The following CCDC171 variants were observed in gnomAD, a reference collection of about 807,000 sequenced individuals.
The protein encoded by CCDC171 is coiled-coil domain containing 171.
A neutral mutation model predicts 168.2 loss-of-function variants in CCDC171; 177 were observed. The ratio of observed to expected loss-of-function variants is 1.05; its 90% CI spans 0.93 to 1.19. CCDC171 has a LOEUF of 1.19. Ranked by LOEUF, CCDC171 falls within the 50% of genes most tolerant of loss-of-function variation. The probability of loss-of-function intolerance (pLI) is 0.00; values close to 1 mark genes in which losing one functional copy is unlikely to be tolerated. For missense variants in CCDC171, 1,991 were observed against 1,539.0 expected (o/e 1.29, Z -4.91); for synonymous variants, 687 against 540.8 (o/e 1.27, Z -3.75).
intron 25 of CCDC171, among the ~76,000 whole-genome samples, chr9:15,956,790 A>G (rs192134286): frequency 1.3e-5 from 2 of 152,310 alleles, no homozygotes; most frequent in African/African-American, 2.4e-5. Flanking sequence ...GTGCATGTTT[A>G]TGAGTAGAGG....
intron 9 of CCDC171, among the ~76,000 whole-genome samples, chr9:15,673,302 G>A (rs1237897692): frequency 6.6e-6 from 1 of 152,206 alleles, no homozygotes; most frequent in Admixed American, 6.5e-5. Flanking sequence ...TGCAAACAGG[G>A]ATAATTTGAC....
intron 11 of CCDC171, among the ~76,000 whole-genome samples, chr9:15,717,796 A>G (rs185136087): frequency 6.6e-6 from 1 of 152,214 alleles, no homozygotes; most frequent in Non-Finnish European, 1.5e-5. Context: ...TCACCTACTG[A>G]CTAAAGAGCC....
At chr9:16,012,232 A>C (rs796114732) in intron 3 of CCDC171, among the ~76,000 whole-genome samples, 5 of 152,224 alleles carry the variant, frequency 3.3e-5, no homozygotes, top group African/African-American at 1.2e-4. Flanking sequence ...CACAGCATCC[A>C]TGAATGTGGC....
At chr9:15,975,940 T>C (rs930741796), downstream of CCDC171, among the ~76,000 whole-genome samples, 1 of 152,112 alleles carries the variant, frequency 6.6e-6, no homozygotes, top group Non-Finnish European at 1.5e-5. Flanking sequence ...ATAGGAGGTA[T>C]CTTTGTAAGA....
At chr9:15,991,174 A>G (rs1179740189) in intron 3 of CCDC171, among the ~76,000 whole-genome samples, 5 of 152,202 alleles carry the variant, frequency 3.3e-5, no homozygotes, top group African/African-American at 1.2e-4. Context: ...ACATAATTGG[A>G]CGTAAAGCAC....
At chr9:15,581,887 T>G (rs1003420908) in intron 4 of CCDC171, among the ~76,000 whole-genome samples, 1 of 152,042 alleles carries the variant, frequency 6.6e-6, no homozygotes. Flanking sequence ...ACTTCATAAC[T>G]AAAACACCAA....
At chr9:15,896,888 C>T (rs984524941) in intron 24 of CCDC171, among the ~76,000 whole-genome samples, 2 of 151,946 alleles carry the variant, frequency 1.3e-5, no homozygotes, top group Non-Finnish European at 2.9e-5. Context: ...CAGAAAACTT[C>T]TTATAAATAA....
chr9:15,755,716 A>G (rs1372439901), intron 18 of CCDC171, among the ~76,000 whole-genome samples: 2 of 152,206 alleles, frequency 1.3e-5, no homozygotes, highest in Admixed American at 1.3e-4. Flanking sequence ...ATATTGCATG[A>G]TTCCATTTAT....
At chr9:15,703,490 G>C (rs1443160223) in intron 11 of CCDC171, among the ~76,000 whole-genome samples, 1 of 152,078 alleles carries the variant, frequency 6.6e-6, no homozygotes, top group Non-Finnish European at 1.5e-5. Context: ...TAGCTCTCAT[G>C]TATGAGTGAA....
the CCDC171 span, among the ~76,000 whole-genome samples, chr9:16,093,344 A>C: frequency 6.6e-6 from 1 of 152,110 alleles, no homozygotes; most frequent in South Asian, 2.1e-4. Flanking sequence ...GGGGCTTCCC[A>C]CAGGCCACTG....
At chr9:15,829,951 C>T (rs7857126) in intron 21 of CCDC171, among the ~76,000 whole-genome samples, 71,861 of 151,948 alleles carry the variant, frequency 0.47, 17,433 homozygotes, top group African/African-American at 0.57. Context: ...GCAAATATGG[C>T]ATTTGCTATA....
intron 11 of CCDC171, among the ~76,000 whole-genome samples, chr9:15,699,471 C>A (rs1457038353): frequency 1.3e-5 from 2 of 152,138 alleles, no homozygotes; most frequent in Non-Finnish European, 2.9e-5. Context: ...ATTCTCTTAT[C>A]CGGCCCCACC....
At chr9:15,891,494 G>A (rs942333432) in intron 24 of CCDC171, among the ~76,000 whole-genome samples, 1 of 152,118 alleles carries the variant, frequency 6.6e-6, no homozygotes, top group African/African-American at 2.4e-5. Flanking sequence ...GGTCGATTAT[G>A]GAACAGACAC....
chr9:15,612,091 C>T (rs1333416943), intron 6 of CCDC171, among the ~76,000 whole-genome samples: 1 of 152,198 alleles, frequency 6.6e-6, no homozygotes, highest in African/African-American at 2.4e-5. Context: ...AATCTGCCAA[C>T]ACCTTGATCT....
chr9:15,794,454 ACT>A (rs1404813497), intron 21 of CCDC171, among the ~76,000 whole-genome samples: 2 of 151,508 alleles, frequency 1.3e-5, no homozygotes, highest in African/African-American at 4.9e-5. Flanking sequence ...ACAGAGCGAG[ACT>A]CTGTCCCCGC....
chr9:15,883,650 G>A (rs770207), intron 24 of CCDC171, among the ~76,000 whole-genome samples: 113,646 of 152,166 alleles, frequency 0.75, 44,118 homozygotes, highest in East Asian at 0.85. Flanking sequence ...AATTGCATCC[G>A]TGTAAAGCTT....
At position 15,971,680 on chromosome 9, in the gene CCDC171, T is replaced by C; in HGVS notation, c.3825T>C (p.Ile1275=). Residue 1275 remains isoleucine (I), a synonymous_variant, in exon 26 of 26, where the codon ATT becomes ATC. Transcript: ENST00000380701. ...RAPLPADTTG[I]GDFLPLKAEL... ...CTCTTCCTGCTGACACAACTGGTAT[T>C]GGGGATTTCTTACCATTGAAAGCTG... The C allele has an allele frequency of 6.2e-7, 1 of 1,613,904 alleles. No homozygotes were observed. The highest frequency in any genetic ancestry group is 8.5e-7 in the Non-Finnish European group (1 of 1,179,878).
chr9:15,971,875 C>T lies in CCDC171; in HGVS notation c.*39C>T, dbSNP rs1258488346. On this transcript the variant is annotated 3_prime_UTR_variant, in exon 26 of 26. Transcript: ENST00000380701. The stretch of plus-strand genomic sequence containing the variant: ...AAAAATGGAGGAAGAGTTAACAGTA[C>T]AATTAAAATTGTTTTGAATGGGAAT... 1 of 1,509,024 alleles carries T rather than the reference C, an allele frequency of 6.6e-7. No individual in the cohort carries two copies. Among genetic ancestry groups the T allele is most frequent in the Non-Finnish European group, 9.2e-7 (1 of 1,090,626 alleles). 93.5% of individuals were successfully genotyped at this position (1,509,024 alleles called of 1,614,324 possible).
At chr9:15,656,847 TTG>T (rs148164917) in intron 7 of CCDC171, among the ~76,000 whole-genome samples, 4,259 of 151,544 alleles carry the variant, frequency 0.028, 194 homozygotes, top group African/African-American at 0.098. Context: ...GTGTACGTGT[TTG>T]TGTGTGTGTG....
Sources: gnomAD v4.1 joint callset for allele counts (sites outside exome capture counted in the v4.1 genomes callset) on GRCh38, gnomAD v4.1.1 for gene constraint, MANE v1.5 for transcripts, NCBI Gene and HGNC (gene_info 2026-07-23, HGNC 2026-07-21) for gene names.